DIAPH3: variants seen among roughly 807,000 people sequenced by gnomAD.
The protein encoded by DIAPH3 is protein diaphanous homolog 3.
DIAPH3 carries 117 observed loss-of-function variants against 144.3 expected under a neutral mutation model. The observed-to-expected ratio is 0.81, with a 90% CI of 0.70 to 0.95. The LOEUF (loss-of-function observed/expected upper bound fraction) is 0.95, where lower values mean the gene tolerates loss of function less well. DIAPH3 is among the 40% of genes least tolerant of loss of function. The pLI, the probability that DIAPH3 is intolerant of heterozygous loss-of-function variation, is 0.00. For synonymous variants in DIAPH3, 519 were observed against 488.9 expected (o/e 1.06, Z -0.81); for missense variants, 1,421 against 1,412.7 (o/e 1.01, Z -0.09).
At chr13:59,889,193 T>G (rs2045637596) in intron 20 of DIAPH3, among the ~76,000 whole-genome samples, 1 of 152,086 alleles carries the variant, frequency 6.6e-6, no homozygotes, top group Non-Finnish European at 1.5e-5. Context: ...TCTTCAAATA[T>G]TTTGTCAGCC....
chr13:60,001,271 C>T (rs1477437066), intron 9 of DIAPH3, among the ~76,000 whole-genome samples: 1 of 152,120 alleles, frequency 6.6e-6, no homozygotes, highest in Non-Finnish European at 1.5e-5. Flanking sequence ...ATTTGATTAC[C>T]ATTACCTACA....
At chr13:59,812,244 GCATGCATCCATC>G (rs2139568358) in intron 24 of DIAPH3, among the ~76,000 whole-genome samples, 1 of 53,526 alleles carries the variant, frequency 1.9e-5, no homozygotes, top group South Asian at 7.4e-4. Context: ...ACTCATGCAT[GCATGCATCCATC>G]CATCCATCCA....
chr13:59,673,149 AG>A (rs1419590027), intron 27 of DIAPH3, among the ~76,000 whole-genome samples: 2 of 152,328 alleles, frequency 1.3e-5, no homozygotes, highest in African/African-American at 4.8e-5. Flanking sequence ...CAGCCTCTAA[AG>A]AGAACAGTAA....
At chr13:59,795,814 GACAA>G (rs1175422029) in intron 25 of DIAPH3, among the ~76,000 whole-genome samples, 1 of 152,096 alleles carries the variant, frequency 6.6e-6, no homozygotes, top group East Asian at 1.9e-4. Context: ...TTTGTTACTA[GACAA>G]ACAGTTACAG....
chr13:59,887,770 C>T (rs138645347), intron 20 of DIAPH3, among the ~76,000 whole-genome samples: 124 of 152,018 alleles, frequency 8.2e-4, no homozygotes, highest in African/African-American at 2.8e-3. Context: ...TTTTTTTGTA[C>T]ACTTTTTCTA....
chr13:59,795,230 C>T (rs1593876117), intron 25 of DIAPH3, among the ~76,000 whole-genome samples: 1 of 151,170 alleles, frequency 6.6e-6, no homozygotes, highest in Non-Finnish European at 1.5e-5. Context: ...CTTCATGGTG[C>T]TCTGGGTTAT....
At chr13:59,930,316 A>T (rs1326037066) in intron 17 of DIAPH3, among the ~76,000 whole-genome samples, 1 of 152,242 alleles carries the variant, frequency 6.6e-6, no homozygotes, top group Middle Eastern at 3.2e-3. Context: ...AGAAGTGACT[A>T]TAAAATAAAT....
intron 21 of DIAPH3, 95 bp downstream of exon 21, chr13:59,879,134 C>T (rs1235175020): frequency 2.6e-6 from 4 of 1,543,854 alleles, no homozygotes; most frequent in Non-Finnish European, 3.5e-6. Context: ...ATAATGAGCA[C>T]ATCAAAATAA....
intron 1 of DIAPH3, chr13:60,144,924 G>A (rs192919816): frequency 1.3e-5 from 2 of 152,222 alleles, no homozygotes; most frequent in Admixed American, 1.3e-4. Flanking sequence ...TATTGTATAG[G>A]GATCTGTTCC....
chr13:60,158,374 C>A (rs543803668), intron 1 of DIAPH3, among the ~76,000 whole-genome samples: 2 of 152,296 alleles, frequency 1.3e-5, no homozygotes, highest in South Asian at 4.1e-4. Context: ...CCTCTTTGTT[C>A]TGGGGCCTGC....
chr13:59,856,602 G>A (rs1215079101), intron 22 of DIAPH3, among the ~76,000 whole-genome samples: 1 of 152,034 alleles, frequency 6.6e-6, no homozygotes, highest in Admixed American at 6.6e-5. Flanking sequence ...TTCTTATAAG[G>A]ACACAGGTCA....
At chr13:59,765,854 T>A (rs2037837716) in intron 27 of DIAPH3, among the ~76,000 whole-genome samples, 2 of 152,194 alleles carry the variant, frequency 1.3e-5, no homozygotes, top group South Asian at 4.1e-4. Context: ...TGGTATCTTA[T>A]AAATAAATAC....
intron 5 of DIAPH3, among the ~76,000 whole-genome samples, chr13:60,041,412 G>A (rs1376179664): frequency 6.6e-6 from 1 of 152,168 alleles, no homozygotes; most frequent in Non-Finnish European, 1.5e-5. Flanking sequence ...GCAGTCTAGA[G>A]GACAGACTGG....
At chr13:59,806,664 A>G (rs2139522091) in intron 25 of DIAPH3, among the ~76,000 whole-genome samples, 1 of 152,032 alleles carries the variant, frequency 6.6e-6, no homozygotes, top group South Asian at 2.1e-4. Flanking sequence ...AGAATTTTAA[A>G]CTTCATTACA....
At chr13:60,109,377 A>G (rs1347762713) in intron 3 of DIAPH3, among the ~76,000 whole-genome samples, 3 of 152,194 alleles carry the variant, frequency 2.0e-5, no homozygotes, top group African/African-American at 7.2e-5. Context: ...CACTCTAGGA[A>G]ACCAATAGAT....
In DIAPH3 at chr13:59,710,295, A is replaced by C. The variant is rs555566264; in HGVS notation, c.3320-43449T>G. 7.6e-4 allele frequency among the ~76,000 whole-genome samples: 115 copies of C among 151,876 alleles called. 1 individual carries two copies. The South Asian group carries it at 0.012, about 16-fold the overall frequency. On this transcript the variant is annotated intron_variant, in intron 27 of 27. Transcript: ENST00000400324. ...ATTTATTTTGGAAAAAAAAAAAAGA[A>C]AAGTGCTAAAAAGTAATACCATGGT...
intron 27 of DIAPH3, among the ~76,000 whole-genome samples, chr13:59,686,188 G>T (rs1042090601): frequency 1.2e-4 from 19 of 152,014 alleles, no homozygotes; most frequent in African/African-American, 4.3e-4. Flanking sequence ...GAAAGAAGTA[G>T]ATAAACCCCA....
At chr13:59,802,340 A>G (rs2039944648) in intron 25 of DIAPH3, among the ~76,000 whole-genome samples, 1 of 152,094 alleles carries the variant, frequency 6.6e-6, no homozygotes. Flanking sequence ...TCTAAAAATC[A>G]CACAATTCTC....
chr13:59,758,953 A>AT (rs915956860), intron 27 of DIAPH3, among the ~76,000 whole-genome samples: 5,984 of 130,116 alleles, frequency 0.046, 243 homozygotes, highest in East Asian at 0.14. Context: ...CTAATTTTGA[A>AT]TTTTTTTTTT....
Sources: allele counts gnomAD v4.1 joint callset (sites outside exome capture counted in the v4.1 genomes callset), GRCh38; gene constraint gnomAD v4.1.1; transcripts MANE v1.5; gene names NCBI Gene and HGNC (gene_info 2026-07-23, HGNC 2026-07-21).